HNF4A: variants seen among roughly 807,000 people sequenced by gnomAD.
The protein encoded by HNF4A is hepatocyte nuclear factor 4-alpha.
A neutral mutation model predicts 52.4 loss-of-function variants in HNF4A; 15 were observed. The observed-to-expected ratio is 0.29, with a 90% CI of 0.19 to 0.44. HNF4A has a LOEUF of 0.44. Among genes scored for constraint, HNF4A ranks in the 20% least tolerant of loss-of-function variants. The pLI is 1.00. For synonymous variants in HNF4A, 280 were observed against 264.4 expected (o/e 1.06, Z -0.57); for missense variants, 479 against 647.2 (o/e 0.74, Z 2.82).
At chr20:44,408,133 G>A (rs1026913462) in intron 3 of HNF4A, 3 of 158,988 alleles carry the variant, frequency 1.9e-5, no homozygotes, top group African/African-American at 7.2e-5. Flanking sequence ...AGTAGGTTGG[G>A]TTCATTTCAT....
Position 44,358,265 on chromosome 20 carries a change from A to G in HNF4A, c.49+2412A>G, listed in dbSNP as rs1433000593. Among the ~76,000 whole-genome samples the G allele has an allele frequency of 5.3e-5, 8 of 151,408 alleles. 1 individual carries two copies. Among genetic ancestry groups the G allele is most frequent in the Admixed American group, 5.3e-4 (8 of 15,224 alleles). On this transcript the variant is annotated intron_variant, in intron 1 of 9. Transcript: ENST00000316673. ...AGGCTCCAGAAAAAAAAAAAAAAGA[A>G]AAGAAAAATTTGCTTTCTGAGAAAA...
intron 7 of HNF4A, among the ~76,000 whole-genome samples, chr20:44,422,689 T>A (rs1021413341): frequency 6.1e-5 from 9 of 147,444 alleles, no homozygotes; most frequent in East Asian, 1.9e-4. Flanking sequence ...AAATATATAT[T>A]TTTTAAAATA....
Position 44,428,349 on chromosome 20 carries a change from G to A in HNF4A, c.1144G>A (p.Ala382Thr), listed in dbSNP as rs1453447463. 6.2e-7 allele frequency: 1 copy of A among 1,613,984 alleles called. No homozygotes were observed. The highest frequency in any genetic ancestry group is 1.3e-5 in the African/African-American group (1 of 74,910). Residue 382 changes from alanine (A) to threonine (T), a missense_variant, in exon 9 of 10, where the codon GCA becomes ACA. Around this residue, in one of 3 missense-constraint regions of HNF4A, gnomAD observed 389 missense variants for 525.1 expected, o/e 0.74. Transcript: ENST00000316099. ...TCTACCTGCAGGGTCCCCCAGCGAT[G>A]CACCCCATGCCCACCACCCCCTGCA...
At chr20:44,403,248 C>T (rs1323972128) in intron 1 of HNF4A, among the ~76,000 whole-genome samples, 1 of 152,228 alleles carries the variant, frequency 6.6e-6, no homozygotes, top group Admixed American at 6.5e-5. Context: ...AGCTCTGGAA[C>T]CAGAAAGATC....
intron 1 of HNF4A, among the ~76,000 whole-genome samples, chr20:44,378,550 G>A (rs561188947): frequency 5.3e-5 from 8 of 152,180 alleles, no homozygotes; most frequent in East Asian, 1.9e-4. Context: ...TTACAGGTGT[G>A]AGCCACCACG....
upstream of HNF4A, among the ~76,000 whole-genome samples, chr20:44,400,261 C>A (rs543971014): frequency 2.6e-4 from 40 of 152,130 alleles, no homozygotes; most frequent in East Asian, 7.2e-3. Context: ...ACTGGCGATA[C>A]CCCCACAAAG....
chr20:44,383,887 G>T (rs2063186712), intron 1 of HNF4A, among the ~76,000 whole-genome samples: 1 of 137,020 alleles, frequency 7.3e-6, no homozygotes, highest in East Asian at 2.2e-4. Context: ...TTTCACTCTT[G>T]TTGCCCAGGC....
Position 44,429,618 on chromosome 20 carries a change from C to A in HNF4A, c.1378C>A (p.Leu460Ile), listed in dbSNP as rs1013734267. 2 of 1,614,116 alleles carry A rather than the reference C, an allele frequency of 1.2e-6. No homozygotes were observed. The highest frequency in any genetic ancestry group is 1.7e-5 in the Admixed American group (1 of 60,018). ...AGCCGTCGCCACAATCGTCAAGCCC[C>A]TCTCTGCCATCCCCCAGCCGACCAT... The change falls in exon 10 of 10, where the codon CTC (leucine) becomes ATC (isoleucine). Residue 460 changes from leucine to isoleucine, a missense_variant. Coordinates refer to ENST00000316099, the MANE Select transcript of HNF4A (RefSeq NM_000457.6).
rs369698945 is a variant in HNF4A at position 44,408,037 on chromosome 20, A to C, written c.385+562A>C. On this transcript the variant is annotated intron_variant, in intron 3 of 9. Transcript: ENST00000316099. ...CCCATCCTGGACAAAGGAGGAGAAGACCAGAGCACAACATTTATTAAGGTC... is the reference window on the plus strand; with the variant it reads ...CCCATCCTGGACAAAGGAGGAGAAGCCCAGAGCACAACATTTATTAAGGTC... 6.8e-4 allele frequency: 121 copies of C among 177,450 alleles called. 1 individual carries two copies. The South Asian group carries it at 0.011, about 16-fold the overall frequency. 11.0% of individuals were successfully genotyped at this position (177,450 alleles called of 1,614,324 possible).
intron 1 of HNF4A, among the ~76,000 whole-genome samples, chr20:44,363,743 A>G (rs1314472350): frequency 5.1e-5 from 7 of 137,676 alleles, no homozygotes; most frequent in African/African-American, 8.1e-5. Flanking sequence ...CAGAGTCTCA[A>G]TGTCACCCAG....
intron 9 of HNF4A, among the ~76,000 whole-genome samples, chr20:44,428,843 G>T: frequency 6.6e-6 from 1 of 152,186 alleles, no homozygotes; most frequent in East Asian, 1.9e-4. Context: ...ACAATTAGAT[G>T]AGACTACCCA....
At chr20:44,434,479 C>T (rs1303905867), downstream of HNF4A, 1 of 131,868 alleles carries the variant, frequency 7.6e-6, no homozygotes, top group East Asian at 2.0e-4. Flanking sequence ...AACGTTGCAA[C>T]GGAGGCCTTG....
intron 6 of HNF4A, among the ~76,000 whole-genome samples, chr20:44,418,906 G>A (rs528047600): frequency 6.6e-6 from 1 of 152,152 alleles, no homozygotes; most frequent in Non-Finnish European, 1.5e-5. Flanking sequence ...CTCCAGAGTT[G>A]CTGGGACCAC....
chr20:44,404,929 G>GGT (rs555098327), intron 1 of HNF4A, among the ~76,000 whole-genome samples: 14 of 49,624 alleles, frequency 2.8e-4, no homozygotes, highest in East Asian at 2.7e-3. Flanking sequence ...GCTTGTGTGT[G>GGT]GTGTGTGTGC....
At chr20:44,408,272 G>C (rs1402899948) in intron 3 of HNF4A, 1 of 155,288 alleles carries the variant, frequency 6.4e-6, no homozygotes, top group East Asian at 1.9e-4. Context: ...AACTTGCCTA[G>C]GGCCCCACAA....
In HNF4A at chr20:44,429,747, G is replaced by A. The variant is rs1203991342; in HGVS notation, c.*82G>A. On this transcript the variant is annotated 3_prime_UTR_variant, in exon 10 of 10. Coordinates refer to ENST00000316099, the MANE Select transcript of HNF4A (RefSeq NM_000457.6). ...CTGGTGATCACGTGGTCACGGCAAA[G>A]GAAGACGTGATGCCAGGACCAGTCC... The A allele has an allele frequency of 2.8e-6, 4 of 1,415,170 alleles. No individual in the cohort carries two copies. In the East Asian group the frequency reaches 9.1e-5, roughly 32 times the overall value. The allele number at this position is 1,415,170 out of a possible 1,614,324, so 87.7% of individuals were successfully genotyped here. A position where few individuals can be genotyped will look rare whatever the true frequency, so the allele number is the denominator to read the frequency against.
chr20:44,390,672 C>G, intron 1 of HNF4A: 1 of 702,464 alleles, frequency 1.4e-6, no homozygotes, highest in South Asian at 1.5e-5. Context: ...TCCCCCAGGA[C>G]CCACCAGGTA....
chr20:44,364,680 G>A (rs1041669861), intron 1 of HNF4A, among the ~76,000 whole-genome samples: 25 of 152,096 alleles, frequency 1.6e-4, no homozygotes, highest in Admixed American at 1.6e-3. Context: ...ATCTTGGCCA[G>A]GCTGGTCTTG....
At chr20:44,372,000 C>T (rs2063039004) in intron 1 of HNF4A, among the ~76,000 whole-genome samples, 1 of 152,156 alleles carries the variant, frequency 6.6e-6, no homozygotes. Flanking sequence ...TATTAATGAA[C>T]ATAAATCACC....
Sources: gnomAD v4.1 joint callset for allele counts (sites outside exome capture counted in the v4.1 genomes callset) on GRCh38, gnomAD v4.1.1 for gene constraint, gnomAD v4.1.1 regional missense constraint, MANE v1.5 for transcripts, NCBI Gene and HGNC (gene_info 2026-07-23, HGNC 2026-07-21) for gene names.